The following RBFOX2 variants were observed in gnomAD, a reference collection of about 807,000 sequenced individuals.
RBFOX2 encodes RNA binding fox-1 homolog 2.
Under a neutral mutation model 49.1 loss-of-function variants are expected in RBFOX2, and 10 were observed. That is an observed-to-expected ratio of 0.20 (90% CI 0.13 to 0.35). The LOEUF (loss-of-function observed/expected upper bound fraction) is 0.35. Ranked by LOEUF, RBFOX2 falls within the 10% of genes least tolerant of loss-of-function variation. The pLI, the probability that RBFOX2 is intolerant of heterozygous loss-of-function variation, is 1.00. For missense variants in RBFOX2, 323 were observed against 486.9 expected (o/e 0.66, Z 3.17); for synonymous variants, 183 against 187.4 (o/e 0.98, Z 0.19).
chr22:35,818,560 G>T (rs920344887), intron 1 of RBFOX2, among the ~76,000 whole-genome samples: 3 of 152,152 alleles, frequency 2.0e-5, no homozygotes, highest in African/African-American at 7.2e-5. Flanking sequence ...GGGGTGGGAG[G>T]ACTGCTTGAG....
chr22:35,996,556 G>A (rs921790909), intron 1 of RBFOX2: 1 of 148,868 alleles, frequency 6.7e-6, no homozygotes, highest in Non-Finnish European at 1.5e-5. Flanking sequence ...AGTGAGCTGA[G>A]ATTGTGCCAC....
At chr22:35,940,982 T>A (rs973444413), upstream of RBFOX2, among the ~76,000 whole-genome samples, 13 of 152,194 alleles carry the variant, frequency 8.5e-5, no homozygotes, top group African/African-American at 2.2e-4. Context: ...GATGACAATG[T>A]TCTGGAGTTA....
chr22:35,942,549 G>A (rs1569504095), upstream of RBFOX2, among the ~76,000 whole-genome samples: 1 of 151,888 alleles, frequency 6.6e-6, no homozygotes, highest in Non-Finnish European at 1.5e-5. Flanking sequence ...CATCCCACCT[G>A]CAAGGTTTTT....
At chr22:35,947,462 A>T (rs2054417068) in intron 1 of RBFOX2, among the ~76,000 whole-genome samples, 1 of 151,664 alleles carries the variant, frequency 6.6e-6, no homozygotes, top group Admixed American at 6.6e-5. Context: ...TAAAAAAAAA[A>T]GTTACCTCAG....
In RBFOX2 at chr22:35,938,812, A is replaced by G. The variant is rs768999811; in HGVS notation, c.-34+35T>C. 11 of 1,585,718 alleles carry G rather than the reference A, an allele frequency of 6.9e-6. No individual in the cohort carries two copies. In the African/African-American group the frequency reaches 9.4e-5, roughly 14 times the overall value. ...CCCTTTGATGAAACACACCACACAC[A>G]TACATCATCTGAGTTACAAACAGCA... is the stretch of plus-strand genomic sequence containing the variant. On this transcript the variant is annotated intron_variant, in intron 1 of 13. Transcript: ENST00000359369.
At chr22:36,002,593 T>G (rs978796483) in intron 1 of RBFOX2, among the ~76,000 whole-genome samples, 2 of 152,244 alleles carry the variant, frequency 1.3e-5, no homozygotes, top group African/African-American at 4.8e-5. Context: ...TACTAATGCT[T>G]CTATCACACC....
intron 1 of RBFOX2, among the ~76,000 whole-genome samples, chr22:35,902,089 A>AG (rs2149455310): frequency 6.6e-6 from 1 of 152,174 alleles, no homozygotes; most frequent in East Asian, 1.9e-4. Context: ...CAAAAAAAAA[A>AG]GAGAAGAAAA....
At chr22:35,847,026 AG>A (rs1482378991) in intron 1 of RBFOX2, among the ~76,000 whole-genome samples, 1 of 152,238 alleles carries the variant, frequency 6.6e-6, no homozygotes, top group Non-Finnish European at 1.5e-5. Flanking sequence ...GATCAGAGGC[AG>A]TAAATGTTTA....
chr22:35,793,155 T>C (rs931964404), intron 2 of RBFOX2, among the ~76,000 whole-genome samples: 1 of 152,230 alleles, frequency 6.6e-6, no homozygotes, highest in Non-Finnish European at 1.5e-5. Context: ...GTGGATCACC[T>C]GAGGTCAGGA....
intron 1 of RBFOX2, among the ~76,000 whole-genome samples, chr22:35,816,255 TTTTTG>T (rs1029888575): frequency 7.9e-5 from 12 of 152,186 alleles, no homozygotes; most frequent in South Asian, 2.1e-4. Context: ...ATATTCTCGT[TTTTTG>T]TTTTGTTTTG....
intron 1 of RBFOX2, among the ~76,000 whole-genome samples, chr22:35,974,271 G>C (rs1470092240): frequency 6.6e-6 from 1 of 152,194 alleles, no homozygotes; most frequent in Non-Finnish European, 1.5e-5. Flanking sequence ...TATTTCTAAG[G>C]AGAGAAAAGG....
rs1397510583 is a variant in RBFOX2 at position 36,008,895 on chromosome 22, T to A, written c.186+19345A>T. ...TCCTACCTTAAAGTAAAATATACAA[T>A]CTATCTTCAAAACACCAAGAAAGCT... On this transcript the variant is annotated intron_variant, in intron 1 of 13. Transcript: ENST00000438146. 2.0e-5 allele frequency among the ~76,000 whole-genome samples: 3 copies of A among 152,094 alleles called. No homozygotes were observed. The East Asian group carries it at 5.8e-4, about 29-fold the overall frequency.
chr22:35,891,635 T>G (rs943920554), intron 1 of RBFOX2, among the ~76,000 whole-genome samples: 5 of 152,214 alleles, frequency 3.3e-5, no homozygotes, highest in African/African-American at 1.2e-4. Context: ...CCTGTCCAGC[T>G]AAGACTGCAC....
chr22:35,968,191 A>T (rs148160240), intron 1 of RBFOX2, among the ~76,000 whole-genome samples: 1 of 152,320 alleles, frequency 6.6e-6, no homozygotes, highest in Non-Finnish European at 1.5e-5. Flanking sequence ...GCCTCTTTTT[A>T]TGAAAGATAA....
chr22:35,739,455 T>C (rs1041671657), exon 12 of RBFOX2: 1 of 152,342 alleles, frequency 6.6e-6, no homozygotes, highest in Admixed American at 6.6e-5. Context: ...AAGCAGAATA[T>C]AACACAAGAA....
intron 1 of RBFOX2, chr22:35,996,070 T>A (rs1234875622): frequency 1.3e-5 from 2 of 152,206 alleles, no homozygotes; most frequent in African/African-American, 2.4e-5. Context: ...ATTCATAGTT[T>A]ATTACACATG....
chr22:35,847,942 A>G (rs922769226), intron 1 of RBFOX2, among the ~76,000 whole-genome samples: 3 of 152,186 alleles, frequency 2.0e-5, no homozygotes, highest in African/African-American at 7.2e-5. Context: ...ATTTCTGAAC[A>G]GGAACTCTTT....
rs35854576 is a variant in RBFOX2 at position 35,869,469 on chromosome 22, CAAAAAAAAAAAAA to C, written c.-33-59478_-33-59466del. On this transcript the variant is annotated intron_variant, in intron 1 of 13. Coordinates refer to the RBFOX2 transcript ENST00000359369. The stretch of plus-strand genomic sequence containing the variant: ...CCACCACACCCAGCCAACGGCTGAC[CAAAAAAAAAAAAA>C]AAAAAAAAAAAAAAAAAAAAAAATG... 1.1e-3 allele frequency among the ~76,000 whole-genome samples: 33 copies of C among 30,568 alleles called. No homozygotes were observed. The East Asian group carries it at 0.019, about 17-fold the overall frequency. 20.1% of individuals were successfully genotyped at this position (30,568 alleles called of 152,430 possible).
intron 1 of RBFOX2, among the ~76,000 whole-genome samples, chr22:35,949,529 C>T (rs778589520): frequency 1.3e-5 from 2 of 152,220 alleles, no homozygotes; most frequent in Non-Finnish European, 2.9e-5. Context: ...CGGCAAAGCA[C>T]AAGAGTTTCA....
Sources: allele counts gnomAD v4.1 joint callset (sites outside exome capture counted in the v4.1 genomes callset), GRCh38; gene constraint gnomAD v4.1.1; transcripts MANE v1.5; gene names NCBI Gene and HGNC (gene_info 2026-07-23, HGNC 2026-07-21).